PITPNC1: variants seen among roughly 807,000 people sequenced by gnomAD.
PITPNC1 encodes the protein phosphatidylinositol transfer protein cytoplasmic 1, also known as cytoplasmic phosphatidylinositol transfer protein 1.
PITPNC1 carries 18 observed loss-of-function variants against 44.7 expected under a neutral mutation model. The ratio of observed to expected loss-of-function variants is 0.40; its 90% CI spans 0.28 to 0.60. The LOEUF (loss-of-function observed/expected upper bound fraction) is 0.60. PITPNC1 is among the 20% of genes least tolerant of loss of function. The pLI is 0.39. For missense variants in PITPNC1, 290 were observed against 418.4 expected (o/e 0.69, Z 2.68); for synonymous variants, 141 against 149.6 (o/e 0.94, Z 0.42).
intron 1 of PITPNC1, among the ~76,000 whole-genome samples, chr17:67,441,650 A>G (rs570077018): frequency 6.6e-6 from 1 of 152,352 alleles, no homozygotes; most frequent in Admixed American, 6.5e-5. Flanking sequence ...CCCGACGTCA[A>G]TTATTCTTCT....
intron 5 of PITPNC1, among the ~76,000 whole-genome samples, chr17:67,622,642 G>A (rs2041848610): frequency 6.6e-6 from 1 of 151,578 alleles, no homozygotes; most frequent in African/African-American, 2.4e-5. Context: ...CCCTTTGAGA[G>A]GCTGAGGCAG....
At chr17:67,542,092 A>G (rs1249248459) in intron 2 of PITPNC1, among the ~76,000 whole-genome samples, 1 of 152,200 alleles carries the variant, frequency 6.6e-6, no homozygotes, top group Non-Finnish European at 1.5e-5. Flanking sequence ...TCTACACTCA[A>G]ACTATCTATC....
intron 1 of PITPNC1, among the ~76,000 whole-genome samples, chr17:67,440,701 T>C (rs1386158742): frequency 6.7e-6 from 1 of 150,072 alleles, no homozygotes; most frequent in Non-Finnish European, 1.5e-5. Flanking sequence ...CCTGGCTGAT[T>C]TTTTTTTTGA....
intron 1 of PITPNC1, among the ~76,000 whole-genome samples, chr17:67,512,584 C>G (rs368811535): frequency 3.3e-5 from 5 of 151,082 alleles, no homozygotes; most frequent in South Asian, 2.1e-4. Flanking sequence ...TCTCAGGTAC[C>G]CTGAACTTGC....
intron 4 of PITPNC1, among the ~76,000 whole-genome samples, chr17:67,575,846 CTTTCTTTCT>C (rs2041138134): frequency 5.6e-5 from 5 of 89,228 alleles, no homozygotes; most frequent in African/African-American, 2.5e-4. Flanking sequence ...TTCCTTCTTT[CTTTCTTTCT>C]TTCCTTCCTT....
At chr17:67,455,074 G>A (rs2039237131) in intron 1 of PITPNC1, among the ~76,000 whole-genome samples, 1 of 152,054 alleles carries the variant, frequency 6.6e-6, no homozygotes, top group African/African-American at 2.4e-5. Context: ...TCCTGCTTTG[G>A]CTTTCCAAAG....
intron 2 of PITPNC1, among the ~76,000 whole-genome samples, chr17:67,540,338 C>T (rs1179618517): frequency 6.6e-6 from 1 of 152,094 alleles, no homozygotes; most frequent in African/African-American, 2.4e-5. Flanking sequence ...CTCCTTACCT[C>T]AAATGATCCT....
chr17:67,619,015 C>T (rs542990059), intron 5 of PITPNC1, among the ~76,000 whole-genome samples: 2 of 150,874 alleles, frequency 1.3e-5, no homozygotes, highest in South Asian at 2.1e-4. Flanking sequence ...GCCGAGATTG[C>T]GCCACTGCAC....
At chr17:67,564,253 A>G (rs1162069446) in intron 4 of PITPNC1, among the ~76,000 whole-genome samples, 1 of 152,108 alleles carries the variant, frequency 6.6e-6, no homozygotes, top group African/African-American at 2.4e-5. Flanking sequence ...GAAGCTGAGA[A>G]GTCCCACAAC....
chr17:67,601,215 T>C (rs2041535109), intron 5 of PITPNC1, among the ~76,000 whole-genome samples: 1 of 152,106 alleles, frequency 6.6e-6, no homozygotes, highest in Non-Finnish European at 1.5e-5. Context: ...GATTTTTTTT[T>C]AAGAGCTCCT....
At chr17:67,618,035 A>G (rs1204319581) in intron 5 of PITPNC1, among the ~76,000 whole-genome samples, 2 of 152,154 alleles carry the variant, frequency 1.3e-5, no homozygotes, top group Non-Finnish European at 2.9e-5. Flanking sequence ...CATACAACCC[A>G]GCAGTCCTAC....
At chr17:67,485,459 G>A (rs989123608) in intron 1 of PITPNC1, among the ~76,000 whole-genome samples, 9 of 150,724 alleles carry the variant, frequency 6.0e-5, no homozygotes, top group South Asian at 2.1e-4. Flanking sequence ...CCGCCTCCTG[G>A]ATTCAGGCGA....
chr17:67,385,436 A>G (rs938484284), intron 1 of PITPNC1, among the ~76,000 whole-genome samples: 1 of 152,188 alleles, frequency 6.6e-6, no homozygotes, highest in African/African-American at 2.4e-5. Context: ...ACCAATCAGC[A>G]GGACATGGGC....
intron 8 of PITPNC1, among the ~76,000 whole-genome samples, chr17:67,683,977 CAA>C (rs79101364): frequency 2.6e-4 from 16 of 61,552 alleles, no homozygotes; most frequent in Non-Finnish European, 2.1e-4. Flanking sequence ...GACTCTGTCT[CAA>C]AAAAAAAAAA....
chr17:67,621,528 TTTAGTAATATATGGATTATATGTCATA>T (rs2041830393), intron 5 of PITPNC1, among the ~76,000 whole-genome samples: 1 of 152,182 alleles, frequency 6.6e-6, no homozygotes, highest in Non-Finnish European at 1.5e-5. Flanking sequence ...CTTTTAGTAC[TTTAGTAATATATGGATTATATGTCATA>T]TAATATCGAT....
chr17:67,409,531 CTT>C (rs566065733), intron 1 of PITPNC1, among the ~76,000 whole-genome samples: 3 of 145,124 alleles, frequency 2.1e-5, no homozygotes, highest in Non-Finnish European at 1.5e-5. Context: ...CAAATCATTT[CTT>C]TTTTTTTTTT....
At chr17:67,460,119 T>C (rs1339946600) in intron 1 of PITPNC1, among the ~76,000 whole-genome samples, 2 of 152,164 alleles carry the variant, frequency 1.3e-5, no homozygotes, top group Admixed American at 6.5e-5. Context: ...AAAGATAAAC[T>C]TAAATGAAGT....
chr17:67,523,068 A>G (rs1175264427), intron 1 of PITPNC1, among the ~76,000 whole-genome samples: 1 of 151,882 alleles, frequency 6.6e-6, no homozygotes, highest in Non-Finnish European at 1.5e-5. Context: ...CTTTTTTACC[A>G]TCCTAAACTG....
At chr17:67,383,394 G>A (rs2037993324) in intron 1 of PITPNC1, among the ~76,000 whole-genome samples, 1 of 152,208 alleles carries the variant, frequency 6.6e-6, no homozygotes, top group African/African-American at 2.4e-5. Flanking sequence ...ATTCCTTGGT[G>A]GAAGAAAATA....
Sources: gnomAD v4.1 joint callset for allele counts (sites outside exome capture counted in the v4.1 genomes callset) on GRCh38, gnomAD v4.1.1 for gene constraint, MANE v1.5 for transcripts, NCBI Gene and HGNC (gene_info 2026-07-23, HGNC 2026-07-21) for gene names.